Variants in GAREM1 observed in about 807,000 individuals in gnomAD.
GAREM1 encodes GRB2-associated and regulator of MAPK protein 1.
A neutral mutation model predicts 71.3 loss-of-function variants in GAREM1; 26 were observed. The observed-to-expected ratio is 0.36, with a 90% confidence interval of 0.27 to 0.51. The LOEUF (loss-of-function observed/expected upper bound fraction) is 0.51. Ranked by LOEUF, GAREM1 falls within the 20% of genes least tolerant of loss-of-function variation. GAREM1 has a pLI of 0.95. For missense variants in GAREM1, 1,026 were observed against 1,103.1 expected (o/e 0.93, Z 0.99); for synonymous variants, 440 against 433.2 (o/e 1.02, Z -0.20).
At chr18:32,318,620 C>T (rs971512510) in intron 2 of GAREM1, among the ~76,000 whole-genome samples, 1 of 152,194 alleles carries the variant, frequency 6.6e-6, no homozygotes, top group Non-Finnish European at 1.5e-5. Context: ...TGCAGCTCCG[C>T]ATGATGTGTG....
chr18:32,389,476 T>G (rs530068216), intron 2 of GAREM1, among the ~76,000 whole-genome samples: 1 of 152,290 alleles, frequency 6.6e-6, no homozygotes, highest in Non-Finnish European at 1.5e-5. Context: ...TTAAAGAGGT[T>G]TAGTAGCTTG....
chr18:32,367,337 T>C (rs532190547), intron 2 of GAREM1, among the ~76,000 whole-genome samples: 2 of 152,200 alleles, frequency 1.3e-5, no homozygotes, highest in Admixed American at 6.5e-5. Flanking sequence ...ACAGCTAATA[T>C]AGGTAACAGC....
At position 32,396,505 on chromosome 18, in the gene GAREM1, G is replaced by A. The variant is rs111246529; in HGVS notation, c.122-3470C>T. Reference sequence around the variant, plus strand: ...AACCATGGCACGAGAACTACGTGACGAATGCACAAGCTTCAGTAGCCGATG... The same window carrying A: ...AACCATGGCACGAGAACTACGTGACAAATGCACAAGCTTCAGTAGCCGATG... On this transcript the variant is annotated intron_variant, in intron 1 of 5. Transcript: ENST00000269209. Among the ~76,000 whole-genome samples the A allele has an allele frequency of 2.9e-3, 444 of 152,308 alleles. 2 individuals carry two copies. The highest frequency in any genetic ancestry group is 8.2e-3 in the African/African-American group (339 of 41,568).
At chr18:32,333,871 G>A (rs558433700) in intron 2 of GAREM1, among the ~76,000 whole-genome samples, 5 of 152,256 alleles carry the variant, frequency 3.3e-5, no homozygotes, top group African/African-American at 7.2e-5. Context: ...TGTCCAGCAT[G>A]GAGTCAAGAC....
chr18:32,283,739 G>A (rs533482542), intron 4 of GAREM1, among the ~76,000 whole-genome samples: 2 of 152,222 alleles, frequency 1.3e-5, no homozygotes, highest in East Asian at 3.9e-4. Context: ...CTGCCCCCAA[G>A]GATTTTCTGG....
intron 2 of GAREM1, among the ~76,000 whole-genome samples, chr18:32,311,522 A>T (rs900509907): frequency 1.3e-5 from 2 of 152,198 alleles, no homozygotes; most frequent in African/African-American, 4.8e-5. Context: ...AAATGCTATT[A>T]AATTTAGGGC....
chr18:32,439,702 A>T (rs2048715317), intron 1 of GAREM1, among the ~76,000 whole-genome samples: 1 of 151,902 alleles, frequency 6.6e-6, no homozygotes, highest in African/African-American at 2.4e-5. Context: ...TTCTGGTAAG[A>T]ATACGAGAGG....
intron 1 of GAREM1, among the ~76,000 whole-genome samples, chr18:32,457,222 A>T (rs1182178662): frequency 0.031 from 2,634 of 84,190 alleles, 70 homozygotes; most frequent in African/African-American, 0.047. Context: ...AGAGAGAGAG[A>T]GAGAGTGTGT....
At chr18:32,316,453 T>C (rs2047378683) in intron 2 of GAREM1, among the ~76,000 whole-genome samples, 1 of 152,156 alleles carries the variant, frequency 6.6e-6, no homozygotes, top group Non-Finnish European at 1.5e-5. Context: ...AAATACTACC[T>C]TACATTTCTT....
intron 2 of GAREM1, among the ~76,000 whole-genome samples, chr18:32,384,993 CTT>C (rs2048131736): frequency 6.6e-6 from 1 of 151,926 alleles, no homozygotes; most frequent in African/African-American, 2.4e-5. Flanking sequence ...ATTTTTGACT[CTT>C]GAGGAAAAAA....
chr18:32,284,721 A>G (rs2046991245), intron 4 of GAREM1, among the ~76,000 whole-genome samples: 1 of 151,658 alleles, frequency 6.6e-6, no homozygotes, highest in Non-Finnish European at 1.5e-5. Context: ...CTCAAGTTCC[A>G]GGAGTACTTG....
intron 2 of GAREM1, among the ~76,000 whole-genome samples, chr18:32,338,352 AG>A (rs1377720995): frequency 1.3e-5 from 2 of 152,152 alleles, no homozygotes; most frequent in African/African-American, 4.8e-5. Flanking sequence ...AGGGAGGGAC[AG>A]GAAGGGCTCA....
At chr18:32,298,038 A>C (rs577904695) in intron 3 of GAREM1, among the ~76,000 whole-genome samples, 1 of 152,386 alleles carries the variant, frequency 6.6e-6, no homozygotes, top group East Asian at 1.9e-4. Context: ...CATATCAAAC[A>C]GTACACGTAC....
rs138818125 is a variant in GAREM1 at position 32,325,574 on chromosome 18, T to C, written c.263-15251A>G. On this transcript the variant is annotated intron_variant, in intron 2 of 5. Coordinates refer to ENST00000269209, the MANE Select transcript of GAREM1 (RefSeq NM_001242409.2). ...AAAAAACAGAAAAAAGGAAGGCAACTCCTTAAAGTCCCCCATTTGATTCAA... is the reference window on the plus strand; with the variant it reads ...AAAAAACAGAAAAAAGGAAGGCAACCCCTTAAAGTCCCCCATTTGATTCAA... Among the ~76,000 whole-genome samples, 4 of 152,316 alleles carry C rather than the reference T, an allele frequency of 2.6e-5. No homozygotes were observed. In the East Asian group the frequency reaches 7.7e-4, roughly 29 times the overall value.
chr18:32,419,442 A>G (rs1408673971), intron 1 of GAREM1, among the ~76,000 whole-genome samples: 1 of 152,146 alleles, frequency 6.6e-6, no homozygotes, highest in Non-Finnish European at 1.5e-5. Flanking sequence ...AAGGGACCCC[A>G]GGCACCTCTC....
intron 2 of GAREM1, among the ~76,000 whole-genome samples, chr18:32,322,090 C>T (rs1229669517): frequency 6.6e-6 from 1 of 152,136 alleles, no homozygotes; most frequent in Non-Finnish European, 1.5e-5. Flanking sequence ...AAAGGAGAAG[C>T]AGCTGGCTCT....
At chr18:32,365,255 A>G (rs1057008222) in intron 2 of GAREM1, among the ~76,000 whole-genome samples, 24 of 152,362 alleles carry the variant, frequency 1.6e-4, no homozygotes, top group African/African-American at 5.3e-4. Flanking sequence ...GGAAACAATA[A>G]ATATCATTCC....
chr18:32,456,101 T>C (rs1278503627), intron 1 of GAREM1, among the ~76,000 whole-genome samples: 8 of 152,114 alleles, frequency 5.3e-5, no homozygotes, highest in Admixed American at 2.6e-4. Flanking sequence ...TTTCTTAGGA[T>C]TGAAAACAGG....
At chr18:32,390,622 T>C (rs1313347195) in intron 2 of GAREM1, among the ~76,000 whole-genome samples, 1 of 152,232 alleles carries the variant, frequency 6.6e-6, no homozygotes, top group Non-Finnish European at 1.5e-5. Context: ...ACCTTCCTTA[T>C]GGATCAAAAG....
Sources: allele counts gnomAD v4.1 joint callset (sites outside exome capture counted in the v4.1 genomes callset), GRCh38; gene constraint gnomAD v4.1.1; transcripts MANE v1.5; gene names NCBI Gene and HGNC (gene_info 2026-07-23, HGNC 2026-07-21).